The following CNGB3 variants were observed in gnomAD, a reference collection of about 807,000 sequenced individuals.
CNGB3 encodes cyclic nucleotide-gated channel beta-3.
In CNGB3, 86 loss-of-function variants were observed where a neutral mutation model predicts 92.8. The ratio of observed to expected loss-of-function variants is 0.93; its 90% CI spans 0.78 to 1.11. CNGB3 has a LOEUF of 1.11. CNGB3 is among the 50% of genes least tolerant of loss of function. The pLI, the probability that CNGB3 is intolerant of heterozygous loss-of-function variation, is 0.00. For missense variants in CNGB3, 1,026 were observed against 956.8 expected (o/e 1.07, Z -0.95); for synonymous variants, 333 against 332.7 (o/e 1.00, Z -0.01).
In CNGB3 at chr8:86,611,580, G is replaced by A; in HGVS notation, c.1662+8C>T. ...TAGTTGTGCATTTGAAAAATAGCAT[G>A]CACTCACCTTTTTGCAGACAAAGTC... On this transcript the variant is annotated splice_region_variant and intron_variant, in intron 14 of 17. Coordinates refer to ENST00000320005, the MANE Select transcript of CNGB3 (RefSeq NM_019098.5). 6.2e-7 allele frequency: 1 copy of A among 1,604,168 alleles called. No individual in the cohort carries two copies. The highest frequency in any genetic ancestry group is 8.5e-7 in the Non-Finnish European group (1 of 1,171,114).
Position 86,739,713 on chromosome 8 carries a change from T to C in CNGB3, c.153A>G (p.Lys51=), listed in dbSNP as rs149091571. The stretch of plus-strand genomic sequence containing the variant: ...CTGGAGTTGACTTGGTTTTGAGAGA[T>C]TTCTCTTCACCTTTGTTTTCTTCCT... ...TAQEENKGEE[K]SLKTKSTPVT... The change falls in exon 2 of 18, where the codon AAA becomes AAG. Residue 51 remains lysine (K), a synonymous_variant. Transcript: ENST00000320005. 1.4e-5 allele frequency: 22 copies of C among 1,613,476 alleles called. No homozygotes were observed. Among genetic ancestry groups the C allele is most frequent in the Non-Finnish European group, 1.9e-5 (22 of 1,179,966 alleles).
intron 2 of CNGB3, among the ~76,000 whole-genome samples, 185 bp from the exon 3 acceptor site, chr8:86,726,842 C>T (rs1020754950): frequency 5.3e-5 from 8 of 152,138 alleles, no homozygotes; most frequent in African/African-American, 1.7e-4. Flanking sequence ...TAGACACCTT[C>T]AGGCCAATGA....
rs971820132 is a variant in CNGB3, at chr8:86,578,823, G to A, written c.1969C>T (p.Pro657Ser). ...KQKAKTAEATPPRKDLALLFP... is the reference protein window; with the variant it reads ...KQKAKTAEATSPRKDLALLFP... ...AGGAGGGCAAGATCTTTTCTTGGAGGGGTTGCTTCTGCGGTCTTAGCCTTC... is the reference window on the plus strand; with the variant it reads ...AGGAGGGCAAGATCTTTTCTTGGAGAGGTTGCTTCTGCGGTCTTAGCCTTC... Residue 657 changes from proline (P) to serine (S), a missense_variant, in exon 17 of 18, where the codon CCT becomes TCT. Coordinates refer to ENST00000320005, the MANE Select transcript of CNGB3 (RefSeq NM_019098.5). The A allele has an allele frequency of 2.5e-6, 4 of 1,613,978 alleles. No individual in the cohort carries two copies. In the African/African-American group the frequency reaches 5.3e-5, roughly 22 times the overall value.
At chr8:86,643,687 T>C in intron 10 of CNGB3, 64 bp downstream of exon 10, 1 of 1,552,828 alleles carries the variant, frequency 6.4e-7, no homozygotes, top group Non-Finnish European at 8.8e-7. Context: ...CTCTCATAAA[T>C]TCATACAATG....
chr8:86,635,843 TATATATATATATATATATATACAC>T (rs1489338194), intron 10 of CNGB3, among the ~76,000 whole-genome samples: 3 of 68,796 alleles, frequency 4.4e-5, no homozygotes, highest in Non-Finnish European at 7.9e-5. Flanking sequence ...TATATATATA[TATATATATATATATATATATACAC>T]ATACACATAT....
chr8:86,729,795 T>A (rs890510347), intron 2 of CNGB3, among the ~76,000 whole-genome samples: 1 of 152,214 alleles, frequency 6.6e-6, no homozygotes, highest in Non-Finnish European at 1.5e-5. Context: ...ACAAGGCAAA[T>A]CTTGCTCTGG....
At chr8:86,721,785 G>A (rs1209318929) in intron 3 of CNGB3, among the ~76,000 whole-genome samples, 1 of 152,042 alleles carries the variant, frequency 6.6e-6, no homozygotes, top group African/African-American at 2.4e-5. Context: ...TTGTAAACTT[G>A]ATAGCTGACA....
Position 86,575,590 on chromosome 8 carries a change from A to G in CNGB3, c.*214T>C. On this transcript the variant is annotated 3_prime_UTR_variant, in exon 18 of 18. Coordinates refer to ENST00000320005, the MANE Select transcript of CNGB3 (RefSeq NM_019098.5). ...GAAGATATAGCAATTGCATAAAGTT[A>G]ATGAAAACGGAGAATAGGGATGGCT... 4.0e-6 allele frequency: 2 copies of G among 502,822 alleles called. No homozygotes were observed. Among genetic ancestry groups the G allele is most frequent in the Non-Finnish European group, 7.0e-6 (2 of 286,284 alleles). The allele number at this position is 502,822 out of a possible 1,614,324, so 31.1% of individuals were successfully genotyped here. A position where few individuals can be genotyped will look rare whatever the true frequency, so the allele number is the denominator to read the frequency against.
chr8:86,581,487 G>A (rs1404726382), intron 15 of CNGB3, among the ~76,000 whole-genome samples: 1 of 152,128 alleles, frequency 6.6e-6, no homozygotes, highest in East Asian at 1.9e-4. Context: ...ATTAATCATT[G>A]TGAAATATAC....
At chr8:86,628,733 T>C (rs1273495276) in intron 12 of CNGB3, among the ~76,000 whole-genome samples, 186 bp downstream of exon 12, 10 of 151,558 alleles carry the variant, frequency 6.6e-5, no homozygotes, top group Non-Finnish European at 2.9e-5. Flanking sequence ...TCCAAGGTTT[T>C]CAAAACCAGT....
intron 3 of CNGB3, among the ~76,000 whole-genome samples, chr8:86,714,084 T>C (rs1824801288): frequency 6.6e-6 from 1 of 152,122 alleles, no homozygotes; most frequent in Non-Finnish European, 1.5e-5. Context: ...ATTCTATGAG[T>C]TAGGACAAAT....
In CNGB3 at chr8:86,578,673, C is replaced by A; in HGVS notation, c.2103+16G>T. ...GCCTTCTCCATGACAGCCGTCCATT[C>A]ACTCCACCTTATTACCTGAGCTGCT... On this transcript the variant is annotated intron_variant, in intron 17 of 17. Coordinates refer to ENST00000320005, the MANE Select transcript of CNGB3 (RefSeq NM_019098.5). 1 of 1,613,306 alleles carries A rather than the reference C, an allele frequency of 6.2e-7. No individual in the cohort carries two copies. Among genetic ancestry groups the A allele is most frequent in the South Asian group, 1.1e-5 (1 of 91,022 alleles).
Position 86,725,574 on chromosome 8 carries a change from G to C in CNGB3, c.338+957C>G, listed in dbSNP as rs138835764. ...TGTGTGCGTGTATGTGGTAGAGTGA[G>C]CTTGTGTTTATTTTCATATAGTCAA... On this transcript the variant is annotated intron_variant, in intron 3 of 17. Coordinates refer to ENST00000320005, the MANE Select transcript of CNGB3 (RefSeq NM_019098.5). Among the ~76,000 whole-genome samples the C allele has an allele frequency of 2.0e-5, 3 of 152,228 alleles. No individual in the cohort carries two copies. The East Asian group carries it at 5.8e-4, about 29-fold the overall frequency.
At chr8:86,602,370 C>T (rs1487224317) in intron 15 of CNGB3, among the ~76,000 whole-genome samples, 1 of 152,190 alleles carries the variant, frequency 6.6e-6, no homozygotes, top group South Asian at 2.1e-4. Flanking sequence ...CATGTTTCAA[C>T]ATTCCAAAGA....
intron 15 of CNGB3, among the ~76,000 whole-genome samples, chr8:86,603,651 CAG>C (rs1822354021): frequency 6.6e-6 from 1 of 152,118 alleles, no homozygotes; most frequent in South Asian, 2.1e-4. Flanking sequence ...GGACAAGTAA[CAG>C]AGGAAAAAAG....
intron 3 of CNGB3, among the ~76,000 whole-genome samples, chr8:86,716,188 A>C (rs572057257): frequency 6.6e-6 from 1 of 152,112 alleles, no homozygotes; most frequent in African/African-American, 2.4e-5. Flanking sequence ...AAAACAGAAT[A>C]CAAAAATGAA....
intron 3 of CNGB3, among the ~76,000 whole-genome samples, chr8:86,697,777 G>T (rs1824475701): frequency 6.6e-6 from 1 of 151,986 alleles, no homozygotes; most frequent in South Asian, 2.1e-4. Flanking sequence ...ATCTCCTAAT[G>T]CTATCCCTCC....
chr8:86,674,934 C>G (rs554324037), intron 3 of CNGB3, among the ~76,000 whole-genome samples: 1,642 of 133,328 alleles, frequency 0.012, 29 homozygotes, highest in African/African-American at 0.037. Flanking sequence ...TTCTTTCTTT[C>G]TCTCTTTTTG....
chr8:86,596,857 T>G (rs978986029), intron 15 of CNGB3, among the ~76,000 whole-genome samples: 1 of 152,096 alleles, frequency 6.6e-6, no homozygotes, highest in Non-Finnish European at 1.5e-5. Flanking sequence ...TAAAAAAGGA[T>G]GAGTTCATGT....
Sources: allele counts gnomAD v4.1 joint callset (sites outside exome capture counted in the v4.1 genomes callset), GRCh38; gene constraint gnomAD v4.1.1; transcripts MANE v1.5; gene names NCBI Gene and HGNC (gene_info 2026-07-23, HGNC 2026-07-21).